Variants in PLPP1 observed in about 807,000 individuals in gnomAD.
PLPP1 encodes lipid phosphate phosphohydrolase 1a.
Under a neutral mutation model 31.2 loss-of-function variants are expected in PLPP1, and 24 were observed. The observed-to-expected ratio is 0.77, with a 90% confidence interval of 0.56 to 1.08. PLPP1 has a LOEUF of 1.08. PLPP1 is among the 50% of genes least tolerant of loss of function. PLPP1 has a pLI of 0.00. For synonymous variants in PLPP1, 146 were observed against 126.3 expected (o/e 1.16, Z -1.05); for missense variants, 319 against 342.7 (o/e 0.93, Z 0.55).
chr5:55,487,928 G>T (rs1752808666), intron 1 of PLPP1, among the ~76,000 whole-genome samples: 1 of 151,636 alleles, frequency 6.6e-6, no homozygotes, highest in Non-Finnish European at 1.5e-5. Flanking sequence ...CAGGGTTCCA[G>T]AACAGCCTGA....
chr5:55,454,528 CTCAGGGGCTATT>C (rs1413889327), intron 3 of PLPP1, among the ~76,000 whole-genome samples: 1 of 152,186 alleles, frequency 6.6e-6, no homozygotes, highest in Non-Finnish European at 1.5e-5. Context: ...TTCTGTACTC[CTCAGGGGCTATT>C]ATTGGTTTTC....
At chr5:55,496,544 A>T (rs960561290) in intron 1 of PLPP1, among the ~76,000 whole-genome samples, 3 of 152,142 alleles carry the variant, frequency 2.0e-5, no homozygotes, top group Admixed American at 6.5e-5. Flanking sequence ...GGATACTACA[A>T]TATCTCTTGT....
intron 1 of PLPP1, among the ~76,000 whole-genome samples, chr5:55,483,068 A>G (rs1296790784): frequency 6.6e-6 from 1 of 152,180 alleles, no homozygotes; most frequent in African/African-American, 2.4e-5. Context: ...AACCCAAAAA[A>G]TGTATCCTGT....
chr5:55,508,614 CAG>C (rs1753335361), intron 1 of PLPP1, among the ~76,000 whole-genome samples: 1 of 152,126 alleles, frequency 6.6e-6, no homozygotes, highest in African/African-American at 2.4e-5. Flanking sequence ...ATATAATAAA[CAG>C]GGTGAAATTA....
chr5:55,491,188 T>G (rs1579960861), intron 1 of PLPP1: 7 of 1,489,308 alleles, frequency 4.7e-6, no homozygotes, highest in Non-Finnish European at 5.4e-6. Flanking sequence ...GTCTACTGAA[T>G]GGGATGCAAA....
Position 55,443,192 on chromosome 5 carries a change from A to ATATATAT in PLPP1, c.492-1285_492-1284insATATATA, listed in dbSNP as rs1554037280. 3.0e-3 allele frequency among the ~76,000 whole-genome samples: 77 copies of ATATATAT among 25,424 alleles called. 1 individual carries two copies. Among genetic ancestry groups the ATATATAT allele is most frequent in the Non-Finnish European group, 4.3e-3 (50 of 11,596 alleles). 16.7% of individuals were successfully genotyped at this position (25,424 alleles called of 152,430 possible). A position where few individuals can be genotyped will look rare whatever the true frequency, so the allele number is the denominator to read the frequency against. On this transcript the variant is annotated intron_variant, in intron 3 of 5. Transcript: ENST00000307259. ...AAGGATTACTTAAAAAAAAAAAAAAAATATATATATATATATATATACACA... is the reference window on the plus strand; with the variant it reads ...AAGGATTACTTAAAAAAAAAAAAAAATATATATATATATATATATATATATATACACA...
intron 4 of PLPP1, among the ~76,000 whole-genome samples, chr5:55,427,465 T>G (rs961808908): frequency 6.6e-6 from 1 of 152,228 alleles, no homozygotes; most frequent in Non-Finnish European, 1.5e-5. Context: ...TATTTTTGTT[T>G]GTTGTTCAAG....
At chr5:55,437,998 A>G (rs1449571974) in intron 4 of PLPP1, among the ~76,000 whole-genome samples, 1 of 152,240 alleles carries the variant, frequency 6.6e-6, no homozygotes, top group Non-Finnish European at 1.5e-5. Flanking sequence ...CACTGTCTAA[A>G]CACAGGGCAG....
At chr5:55,481,002 C>G (rs539803530) in intron 1 of PLPP1, among the ~76,000 whole-genome samples, 91 of 152,278 alleles carry the variant, frequency 6.0e-4, no homozygotes, top group African/African-American at 2.1e-3. Context: ...CTATATTTTA[C>G]CAGTGAATAT....
chr5:55,425,767 TCTC>T (rs550283552), intron 5 of PLPP1, 93 bp downstream of exon 5: 913 of 1,198,110 alleles, frequency 7.6e-4, no homozygotes, highest in East Asian at 4.7e-3. Flanking sequence ...TGCATAGTCT[TCTC>T]CTCAGCTGGG....
chr5:55,425,110 G>A lies in PLPP1; in HGVS notation c.*96C>T. 2 of 1,459,256 alleles carry A rather than the reference G, an allele frequency of 1.4e-6. No individual in the cohort carries two copies. The highest frequency in any genetic ancestry group is 1.8e-6 in the Non-Finnish European group (2 of 1,081,176). 90.4% of individuals were successfully genotyped at this position (1,459,256 alleles called of 1,614,324 possible). A position where few individuals can be genotyped will look rare whatever the true frequency, so the allele number is the denominator to read the frequency against. On this transcript the variant is annotated 3_prime_UTR_variant, in exon 6 of 6. Transcript: ENST00000307259. Reference sequence around the variant, plus strand: ...ATAGCAGCAGCAGAAGTCTTTAAAGGCTTGTACACCAGGAAGAAAGATGCA... The same window carrying A: ...ATAGCAGCAGCAGAAGTCTTTAAAGACTTGTACACCAGGAAGAAAGATGCA...
intron 1 of PLPP1, among the ~76,000 whole-genome samples, chr5:55,499,688 A>AG (rs11398788): frequency 6.6e-6 from 1 of 151,296 alleles, no homozygotes; most frequent in Non-Finnish European, 1.5e-5. Context: ...ACTCAAAAAA[A>AG]AAATAAATAA....
chr5:55,452,867 A>G (rs1751922689), intron 3 of PLPP1, among the ~76,000 whole-genome samples: 1 of 152,242 alleles, frequency 6.6e-6, no homozygotes, highest in East Asian at 1.9e-4. Context: ...TTTTAGTTGC[A>G]TAAGATATGT....
At chr5:55,504,743 A>G (rs1753234647) in intron 1 of PLPP1, among the ~76,000 whole-genome samples, 2 of 151,884 alleles carry the variant, frequency 1.3e-5, no homozygotes, top group Non-Finnish European at 2.9e-5. Context: ...GCAGAATATG[A>G]CTTCACAGAA....
chr5:55,523,616 C>T (rs1326591161), intron 1 of PLPP1, among the ~76,000 whole-genome samples: 1 of 152,100 alleles, frequency 6.6e-6, no homozygotes, highest in African/African-American at 2.4e-5. Flanking sequence ...AAATAAATGT[C>T]AATTATTATT....
intron 3 of PLPP1, among the ~76,000 whole-genome samples, chr5:55,451,640 C>T (rs1302415755): frequency 6.6e-6 from 1 of 151,920 alleles, no homozygotes; most frequent in Non-Finnish European, 1.5e-5. Context: ...CGGCTCACTG[C>T]AACCTCTGCC....
chr5:55,442,078 CAAG>C (rs1198220037), intron 3 of PLPP1, among the ~76,000 whole-genome samples, 170 bp from the exon 4 acceptor site: 1 of 152,090 alleles, frequency 6.6e-6, no homozygotes, highest in Non-Finnish European at 1.5e-5. Flanking sequence ...TTAAAGAGTG[CAAG>C]AAGGATCTGA....
At chr5:55,509,331 TGATTCAC>T (rs2111904595) in intron 1 of PLPP1, among the ~76,000 whole-genome samples, 1 of 152,286 alleles carries the variant, frequency 6.6e-6, no homozygotes, top group East Asian at 1.9e-4. Context: ...TATTTGAGTG[TGATTCAC>T]AGAGATGTTA....
chr5:55,530,461 A>T, intron 1 of PLPP1: 2 of 1,243,292 alleles, frequency 1.6e-6, no homozygotes, highest in Non-Finnish European at 2.4e-6. Context: ...TTCTCTTGGT[A>T]AGTTTCTGTG....
Sources: allele counts gnomAD v4.1 joint callset (sites outside exome capture counted in the v4.1 genomes callset), GRCh38; gene constraint gnomAD v4.1.1; transcripts MANE v1.5; gene names NCBI Gene and HGNC (gene_info 2026-07-23, HGNC 2026-07-21).